CHMP2B: variants seen among roughly 807,000 people sequenced by gnomAD.
The protein encoded by CHMP2B is VPS2 homolog B.
In CHMP2B, 22 loss-of-function variants were observed where a neutral mutation model predicts 29.8. The observed-to-expected ratio is 0.74, with a 90% CI of 0.53 to 1.05. CHMP2B has a LOEUF of 1.05. Ranked by LOEUF, CHMP2B falls within the 50% of genes least tolerant of loss-of-function variation. The pLI is 0.00. For missense variants in CHMP2B, 261 were observed against 252.2 expected (o/e 1.03, Z -0.24); for synonymous variants, 78 against 75.8 (o/e 1.03, Z -0.15).
intron 2 of CHMP2B, among the ~76,000 whole-genome samples, chr3:87,241,967 A>C (rs1706126145): frequency 6.6e-6 from 1 of 152,170 alleles, no homozygotes; most frequent in Non-Finnish European, 1.5e-5. Context: ...ACATACTTGG[A>C]GTTGACAGTC....
intron 4 of CHMP2B, among the ~76,000 whole-genome samples, chr3:87,252,298 G>A (rs368650069): frequency 6.6e-6 from 1 of 151,746 alleles, no homozygotes; most frequent in South Asian, 2.1e-4. Flanking sequence ...AATCACACTA[G>A]GTTACCTGTC....
At chr3:87,237,046 A>G (rs1312674926) in intron 1 of CHMP2B, among the ~76,000 whole-genome samples, 1 of 152,134 alleles carries the variant, frequency 6.6e-6, no homozygotes, top group Non-Finnish European at 1.5e-5. Flanking sequence ...ATATCAGTCC[A>G]TTGGCTTTGA....
chr3:87,241,065 A>G (rs985975960), intron 2 of CHMP2B, among the ~76,000 whole-genome samples: 1 of 152,160 alleles, frequency 6.6e-6, no homozygotes, highest in Non-Finnish European at 1.5e-5. Context: ...AAGATTGCTC[A>G]AGACAGAACC....
intron 1 of CHMP2B, among the ~76,000 whole-genome samples, chr3:87,235,935 C>A (rs1269318619): frequency 6.6e-6 from 1 of 152,196 alleles, no homozygotes; most frequent in African/African-American, 2.4e-5. Context: ...ACTCTCAGAA[C>A]TCATCAGAGT....
intron 3 of CHMP2B, among the ~76,000 whole-genome samples, chr3:87,248,940 G>A (rs1706264970): frequency 2.0e-5 from 3 of 152,052 alleles, no homozygotes; most frequent in Non-Finnish European, 4.4e-5. Context: ...TATCATCTAT[G>A]TATTATGCAT....
At chr3:87,250,780 T>C (rs1706302126) in intron 4 of CHMP2B, among the ~76,000 whole-genome samples, 1 of 151,908 alleles carries the variant, frequency 6.6e-6, no homozygotes, top group Admixed American at 6.6e-5. Context: ...GTAAGTATTA[T>C]CTTTGACTGA....
At chr3:87,234,648 T>C (rs769948223) in intron 1 of CHMP2B, among the ~76,000 whole-genome samples, 1 of 152,152 alleles carries the variant, frequency 6.6e-6, no homozygotes, top group Non-Finnish European at 1.5e-5. Context: ...CAGTGTGAAG[T>C]TTTCTATTAC....
intron 2 of CHMP2B, among the ~76,000 whole-genome samples, chr3:87,244,469 A>C (rs182196918): frequency 6.6e-6 from 1 of 152,038 alleles, no homozygotes; most frequent in Admixed American, 6.5e-5. Flanking sequence ...TACAAACTTC[A>C]ATGCTGTAAA....
At chr3:87,230,013 A>G (rs1705878279) in intron 1 of CHMP2B, among the ~76,000 whole-genome samples, 1 of 152,174 alleles carries the variant, frequency 6.6e-6, no homozygotes, top group South Asian at 2.1e-4. Context: ...TGGAATTTGA[A>G]ATTACAGTTG....
chr3:87,229,072 ATTAGAG>A (rs1457946968), intron 1 of CHMP2B, among the ~76,000 whole-genome samples: 1 of 152,134 alleles, frequency 6.6e-6, no homozygotes, highest in East Asian at 1.9e-4. Flanking sequence ...TGATGTTACA[ATTAGAG>A]TTAATTTTTT....
At chr3:87,246,021 G>A in intron 3 of CHMP2B, 113 bp downstream of exon 3, 1 of 802,146 alleles carries the variant, frequency 1.2e-6, no homozygotes, top group Admixed American at 2.6e-5. Context: ...TACAAAATGT[G>A]TGTAATTTTT....
At chr3:87,237,164 T>C (rs549969093) in intron 1 of CHMP2B, among the ~76,000 whole-genome samples, 1 of 152,290 alleles carries the variant, frequency 6.6e-6, no homozygotes, top group East Asian at 1.9e-4. Context: ...ATTTTTGTTA[T>C]TTGGGGTCAG....
chr3:87,251,258 G>C (rs1706309369), intron 4 of CHMP2B, among the ~76,000 whole-genome samples: 1 of 151,772 alleles, frequency 6.6e-6, no homozygotes, highest in Non-Finnish European at 1.5e-5. Context: ...TTTTACTTCA[G>C]GCCTTTAGTT....
chr3:87,248,877 G>A (rs1706263775), intron 3 of CHMP2B, among the ~76,000 whole-genome samples: 1 of 152,052 alleles, frequency 6.6e-6, no homozygotes, highest in Admixed American at 6.6e-5. Context: ...TGTTTCTATT[G>A]TATGGATTCT....
At chr3:87,231,880 T>C (rs1048316263) in intron 1 of CHMP2B, among the ~76,000 whole-genome samples, 6 of 152,144 alleles carry the variant, frequency 3.9e-5, no homozygotes, top group African/African-American at 1.2e-4. Flanking sequence ...TCTTTCTGAC[T>C]TGGATTCACT....
chr3:87,236,930 C>T (rs1706025859), intron 1 of CHMP2B, among the ~76,000 whole-genome samples: 1 of 152,088 alleles, frequency 6.6e-6, no homozygotes, highest in Non-Finnish European at 1.5e-5. Flanking sequence ...GTCCTTAGTC[C>T]TTAGTACACA....
At position 87,227,637 on chromosome 3, in the gene CHMP2B, T is replaced by C. The variant is rs1041559270; in HGVS notation, c.34+81T>C. ...GAGGCCTGCTGGCCGCGATTCTGCC[T>C]ACTGTCCCTGGAGGCGGGGCTGGAT... On this transcript the variant is annotated intron_variant, in intron 1 of 5. Coordinates refer to ENST00000263780, the MANE Select transcript of CHMP2B (RefSeq NM_014043.4). 23 of 1,569,618 alleles carry C rather than the reference T, an allele frequency of 1.5e-5. No individual in the cohort carries two copies. The African/African-American group carries it at 3.0e-4, about 20-fold the overall frequency.
At chr3:87,249,686 T>A (rs1706278752) in intron 3 of CHMP2B, among the ~76,000 whole-genome samples, 189 bp from the exon 4 acceptor site, 1 of 152,090 alleles carries the variant, frequency 6.6e-6, no homozygotes, top group Admixed American at 6.6e-5. Flanking sequence ...ATTATATAGA[T>A]GTTAAGCAGA....
intron 4 of CHMP2B, among the ~76,000 whole-genome samples, chr3:87,252,622 A>G (rs1437496429): frequency 1.3e-5 from 2 of 151,550 alleles, no homozygotes; most frequent in South Asian, 4.2e-4. Context: ...TCTTACCACA[A>G]TCTGTTTCTT....
Sources: allele counts gnomAD v4.1 joint callset (sites outside exome capture counted in the v4.1 genomes callset), GRCh38; gene constraint gnomAD v4.1.1; transcripts MANE v1.5; gene names NCBI Gene and HGNC (gene_info 2026-07-23, HGNC 2026-07-21).